Variants in SGCD observed in about 807,000 individuals in gnomAD.
SGCD encodes delta-sarcoglycan.
In SGCD, 18 loss-of-function variants were observed where a neutral mutation model predicts 36.6. The ratio of observed to expected loss-of-function variants is 0.49; its 90% CI spans 0.34 to 0.73. The LOEUF is 0.73. Among genes scored for constraint, SGCD ranks in the 30% least tolerant of loss-of-function variants. The probability of loss-of-function intolerance (pLI) is 0.01; values close to 1 mark genes in which losing one functional copy is unlikely to be tolerated. For synonymous variants in SGCD, 133 were observed against 130.6 expected, an observed-to-expected ratio of 1.02 and a Z score of -0.12; for missense variants, 387 against 346.7, an observed-to-expected ratio of 1.12 and a Z score of -0.92.
chr5:156,638,753 G>C (rs970477053), intron 6 of SGCD, among the ~76,000 whole-genome samples: 1 of 151,558 alleles, frequency 6.6e-6, no homozygotes, highest in Non-Finnish European at 1.5e-5. Flanking sequence ...CATGAGTTCC[G>C]GTCTATTGGT....
intron 3 of SGCD, among the ~76,000 whole-genome samples, chr5:156,272,713 G>A (rs1233767569): frequency 6.6e-6 from 1 of 152,056 alleles, no homozygotes; most frequent in East Asian, 1.9e-4. Context: ...CTGTTTGCTT[G>A]TTTATTTGTA....
chr5:156,611,587 G>T (rs543413620), intron 6 of SGCD, among the ~76,000 whole-genome samples: 1 of 152,270 alleles, frequency 6.6e-6, no homozygotes, highest in South Asian at 2.1e-4. Flanking sequence ...GTGCCTTGGA[G>T]TTGAGTCTAA....
At chr5:155,769,068 C>G in the SGCD span, among the ~76,000 whole-genome samples, 3 of 151,864 alleles carry the variant, frequency 2.0e-5, no homozygotes, top group African/African-American at 7.3e-5. Context: ...AAGATAATAC[C>G]AAACTGTCCA....
At chr5:156,005,405 G>A (rs1436364229) in intron 1 of SGCD, among the ~76,000 whole-genome samples, 1 of 151,858 alleles carries the variant, frequency 6.6e-6, no homozygotes, top group Non-Finnish European at 1.5e-5. Context: ...AAATTAGGTC[G>A]CTTTCAAGAG....
intron 1 of SGCD, among the ~76,000 whole-genome samples, chr5:156,061,549 G>A (rs1278259384): frequency 6.8e-6 from 1 of 146,062 alleles, no homozygotes; most frequent in East Asian, 1.9e-4. Context: ...CAAACCCACT[G>A]CATGAATGTT....
chr5:156,412,787 C>CTTTTTTTTTTTTTTTTTTTTTTTT (rs35464853), intron 3 of SGCD, among the ~76,000 whole-genome samples: 3 of 105,028 alleles, frequency 2.9e-5, no homozygotes, highest in Non-Finnish European at 3.9e-5. Context: ...AGGGTTGGTT[C>CTTTTTTTTTTTTTTTTTTTTTTTT]TTTTTTTTTT....
intron 3 of SGCD, among the ~76,000 whole-genome samples, chr5:156,190,704 G>A (rs908918902): frequency 2.0e-5 from 3 of 152,006 alleles, no homozygotes; most frequent in Non-Finnish European, 2.9e-5. Flanking sequence ...TTATATTAGA[G>A]GTAACATGTA....
chr5:155,771,064 T>C, the SGCD span, among the ~76,000 whole-genome samples: 1 of 150,014 alleles, frequency 6.7e-6, no homozygotes, highest in Non-Finnish European at 1.5e-5. Flanking sequence ...GAACCAAAAG[T>C]ATATGTATTT....
chr5:155,825,489 A>C, the SGCD span, among the ~76,000 whole-genome samples: 3 of 152,168 alleles, frequency 2.0e-5, no homozygotes, highest in Non-Finnish European at 4.4e-5. Context: ...GTTTAGGGGA[A>C]TCTTTGGATT....
chr5:156,015,832 G>T (rs1758963337), intron 1 of SGCD, among the ~76,000 whole-genome samples: 2 of 149,876 alleles, frequency 1.3e-5, no homozygotes, highest in Non-Finnish European at 3.0e-5. Flanking sequence ...CACTGCATTG[G>T]TTTTGGAATG....
chr5:156,099,075 ACAC>A, intron 1 of SGCD, among the ~76,000 whole-genome samples: 1 of 152,306 alleles, frequency 6.6e-6, no homozygotes, highest in African/African-American at 2.4e-5. Flanking sequence ...TTGTTGGTAA[ACAC>A]CAGATCTGCA....
chr5:155,816,242 C>T, the SGCD span, among the ~76,000 whole-genome samples: 1 of 152,072 alleles, frequency 6.6e-6, no homozygotes, highest in Non-Finnish European at 1.5e-5. Flanking sequence ...AATGACCATC[C>T]TCATATAACT....
intron 3 of SGCD, among the ~76,000 whole-genome samples, chr5:156,318,399 C>T (rs1166753165): frequency 6.6e-6 from 1 of 152,102 alleles, no homozygotes; most frequent in Non-Finnish European, 1.5e-5. Flanking sequence ...AAAGTCCTCC[C>T]CACAAAGTCT....
chr5:156,747,637 G>A (rs1314902536), intron 7 of SGCD, among the ~76,000 whole-genome samples: 1 of 152,176 alleles, frequency 6.6e-6, no homozygotes, highest in South Asian at 2.1e-4. Flanking sequence ...CAAATTGAAA[G>A]AGTGAGAACA....
intron 1 of SGCD, among the ~76,000 whole-genome samples, chr5:156,013,498 C>T (rs1344814853): frequency 2.0e-5 from 3 of 152,024 alleles, no homozygotes; most frequent in South Asian, 2.1e-4. Context: ...TTCCCTGTGC[C>T]CTTCTGAACA....
chr5:156,574,591 G>T (rs148838476), intron 4 of SGCD, among the ~76,000 whole-genome samples: 1 of 152,104 alleles, frequency 6.6e-6, no homozygotes, highest in Non-Finnish European at 1.5e-5. Context: ...AGAAAGGCTC[G>T]AGTAACCCCA....
At chr5:156,360,837 T>A (rs981955073) in intron 3 of SGCD, among the ~76,000 whole-genome samples, 8 of 151,958 alleles carry the variant, frequency 5.3e-5, no homozygotes, top group African/African-American at 1.9e-4. Flanking sequence ...GCCTTCACCA[T>A]CCTTCAGTTG....
chr5:155,984,135 A>T (rs1758282128), intron 1 of SGCD, among the ~76,000 whole-genome samples: 1 of 152,244 alleles, frequency 6.6e-6, no homozygotes, highest in South Asian at 2.1e-4. Context: ...CACTTTGCAA[A>T]GCACATTCAC....
intron 4 of SGCD, among the ~76,000 whole-genome samples, chr5:156,530,031 C>A (rs12517498): frequency 0.4 from 61,151 of 152,104 alleles, 12,710 homozygotes; most frequent in Non-Finnish European, 0.45. Context: ...GAGAGTGACA[C>A]AAACCACCAT....
Sources: allele counts gnomAD v4.1 joint callset (sites outside exome capture counted in the v4.1 genomes callset), GRCh38; gene constraint gnomAD v4.1.1; transcripts MANE v1.5; gene names NCBI Gene and HGNC (gene_info 2026-07-23, HGNC 2026-07-21).